The following AGBL4 variants were observed in gnomAD, a reference collection of about 807,000 sequenced individuals.
AGBL4 encodes cytosolic carboxypeptidase 6.
In AGBL4, 58 loss-of-function variants were observed where a neutral mutation model predicts 66.4. The observed-to-expected ratio is 0.87, with a 90% confidence interval of 0.71 to 1.09. AGBL4 has a LOEUF of 1.09. AGBL4 is among the 50% of genes least tolerant of loss of function. The pLI is 0.00. For synonymous variants in AGBL4, 234 were observed against 222.9 expected, an observed-to-expected ratio of 1.05 and a Z score of -0.44; for missense variants, 579 against 631.0, an observed-to-expected ratio of 0.92 and a Z score of 0.88.
At chr1:49,189,847 G>T (rs1479116380) in intron 4 of AGBL4, among the ~76,000 whole-genome samples, 2 of 152,088 alleles carry the variant, frequency 1.3e-5, no homozygotes, top group Non-Finnish European at 1.5e-5. Flanking sequence ...AGGAACTAAG[G>T]CTCCAGGCCC....
At chr1:49,961,411 G>A (rs919141420) in intron 1 of AGBL4, among the ~76,000 whole-genome samples, 2 of 151,920 alleles carry the variant, frequency 1.3e-5, no homozygotes, top group African/African-American at 4.8e-5. Flanking sequence ...AGACTGAGGG[G>A]AGACATCACT....
At chr1:48,934,699 C>A (rs1013289838) in intron 5 of AGBL4, among the ~76,000 whole-genome samples, 9 of 152,198 alleles carry the variant, frequency 5.9e-5, no homozygotes, top group African/African-American at 2.2e-4. Context: ...TAATTACCCT[C>A]ATCCCTACAA....
At chr1:49,288,171 A>C (rs1381099533) in intron 3 of AGBL4, among the ~76,000 whole-genome samples, 1 of 136,038 alleles carries the variant, frequency 7.4e-6, no homozygotes, top group Non-Finnish European at 1.6e-5. Context: ...CAATGAGATC[A>C]CATGGACACA....
intron 3 of AGBL4, among the ~76,000 whole-genome samples, chr1:49,313,575 C>A (rs1282091406): frequency 6.6e-6 from 1 of 152,104 alleles, no homozygotes; most frequent in Non-Finnish European, 1.5e-5. Flanking sequence ...TTCTAACTGG[C>A]ATGAGATAGT....
intron 5 of AGBL4, among the ~76,000 whole-genome samples, chr1:48,974,726 G>C (rs777418515): frequency 3.3e-5 from 5 of 152,062 alleles, no homozygotes; most frequent in Non-Finnish European, 5.9e-5. Context: ...TAAATAGGTG[G>C]TGACTCTAAT....
At chr1:49,433,877 G>A (rs969007933) in intron 3 of AGBL4, among the ~76,000 whole-genome samples, 4 of 152,186 alleles carry the variant, frequency 2.6e-5, no homozygotes, top group African/African-American at 9.7e-5. Flanking sequence ...AAATTTGCTT[G>A]AATCTGAATC....
chr1:49,118,491 C>T (rs144420151), intron 4 of AGBL4, among the ~76,000 whole-genome samples: 23 of 148,750 alleles, frequency 1.5e-4, no homozygotes, highest in East Asian at 3.9e-4. Flanking sequence ...TTTATGTGAT[C>T]GATTACATTT....
intron 3 of AGBL4, among the ~76,000 whole-genome samples, chr1:49,362,433 G>C (rs200686020): frequency 8.5e-6 from 1 of 117,332 alleles, no homozygotes; most frequent in East Asian, 2.6e-4. Context: ...ATGGGCAACA[G>C]AGCAAGACCC....
At chr1:49,943,659 C>G (rs1167942251) in intron 1 of AGBL4, among the ~76,000 whole-genome samples, 1 of 151,516 alleles carries the variant, frequency 6.6e-6, no homozygotes, top group Non-Finnish European at 1.5e-5. Flanking sequence ...AAAGCCATTT[C>G]TGCCTTGCCT....
chr1:49,303,648 T>C (rs1644797054), intron 3 of AGBL4, among the ~76,000 whole-genome samples: 2 of 151,870 alleles, frequency 1.3e-5, no homozygotes, highest in Non-Finnish European at 2.9e-5. Context: ...TTTTTTTTTC[T>C]TTTTTTCAGT....
chr1:49,780,936 AAAC>A (rs1167455535), intron 2 of AGBL4, among the ~76,000 whole-genome samples: 1 of 152,168 alleles, frequency 6.6e-6, no homozygotes, highest in East Asian at 1.9e-4. Flanking sequence ...CTCCGGGGAA[AAAC>A]AACAACATCC....
At chr1:48,782,010 C>T (rs1300834939) in intron 6 of AGBL4, among the ~76,000 whole-genome samples, 1 of 152,212 alleles carries the variant, frequency 6.6e-6, no homozygotes. Flanking sequence ...TTATTAAACA[C>T]ATGATAGAGT....
chr1:49,902,395 A>AATAC (rs1649844021), intron 1 of AGBL4, among the ~76,000 whole-genome samples: 1 of 152,224 alleles, frequency 6.6e-6, no homozygotes, highest in African/African-American at 2.4e-5. Flanking sequence ...TTTTCAAAAG[A>AATAC]ATACATACAT....
intron 4 of AGBL4, among the ~76,000 whole-genome samples, chr1:49,076,758 G>A (rs192533422): frequency 9.2e-5 from 14 of 152,196 alleles, no homozygotes; most frequent in Admixed American, 9.2e-4. Flanking sequence ...CTAAATTGTG[G>A]GTTGGCACAG....
At chr1:48,927,434 T>G (rs1052620587) in intron 5 of AGBL4, among the ~76,000 whole-genome samples, 1 of 152,116 alleles carries the variant, frequency 6.6e-6, no homozygotes, top group Non-Finnish European at 1.5e-5. Flanking sequence ...CAATTACCTC[T>G]CACCAGGTCC....
chr1:48,646,218 C>T (rs760974072), intron 8 of AGBL4, among the ~76,000 whole-genome samples: 1 of 151,940 alleles, frequency 6.6e-6, no homozygotes, highest in South Asian at 2.1e-4. Context: ...GAATGTTTCT[C>T]GTGATGCTGT....
At chr1:48,946,581 G>A (rs570638017) in intron 5 of AGBL4, among the ~76,000 whole-genome samples, 1 of 152,286 alleles carries the variant, frequency 6.6e-6, no homozygotes, top group East Asian at 1.9e-4. Flanking sequence ...GGACCCTTCT[G>A]TCTCTAAGCT....
At chr1:49,694,195 A>G (rs1053118831) in intron 3 of AGBL4, among the ~76,000 whole-genome samples, 9 of 152,156 alleles carry the variant, frequency 5.9e-5, no homozygotes, top group African/African-American at 1.9e-4. Flanking sequence ...GTTCTTGACT[A>G]GATTACACTT....
chr1:49,878,648 T>A (rs1218785750), intron 1 of AGBL4, among the ~76,000 whole-genome samples: 1 of 152,090 alleles, frequency 6.6e-6, no homozygotes, highest in East Asian at 1.9e-4. Flanking sequence ...TGATTTGGGG[T>A]GGAGAGTTCT....
Sources: gnomAD v4.1 joint callset for allele counts (sites outside exome capture counted in the v4.1 genomes callset) on GRCh38, gnomAD v4.1.1 for gene constraint, MANE v1.5 for transcripts, NCBI Gene and HGNC (gene_info 2026-07-23, HGNC 2026-07-21) for gene names.